The following SOCS5 variants were observed in gnomAD, a reference collection of about 807,000 sequenced individuals.
SOCS5 encodes suppressor of cytokine signaling 5.
SOCS5 carries 32 observed loss-of-function variants against 42.8 expected under a neutral mutation model. That is an observed-to-expected ratio of 0.75 (90% CI 0.56 to 1.01). SOCS5 has a LOEUF of 1.01. Ranked by LOEUF, SOCS5 falls within the 50% of genes least tolerant of loss-of-function variation. SOCS5 has a pLI of 0.00. For missense variants in SOCS5, 627 were observed against 653.0 expected, an observed-to-expected ratio of 0.96 and a Z score of 0.43; for synonymous variants, 283 against 229.6, an observed-to-expected ratio of 1.23 and a Z score of -2.10.
intron 1 of SOCS5, among the ~76,000 whole-genome samples, chr2:46,730,040 C>G (rs1028627353): frequency 2.6e-5 from 4 of 152,132 alleles, no homozygotes; most frequent in African/African-American, 9.7e-5. Flanking sequence ...TTAGGATCAT[C>G]TAGACATCAT....
Position 46,746,292 on chromosome 2 carries a change from C to CA in SOCS5, c.-12-12226dup, listed in dbSNP as rs371548032. On this transcript the variant is annotated intron_variant, in intron 1 of 1. Coordinates refer to ENST00000394861, the MANE Select transcript of SOCS5 (RefSeq NM_144949.3). The stretch of plus-strand genomic sequence containing the variant: ...CCACTCCCCAGAGTAAGTACAAAGG[C>CA]AGTGGTAACTCTAGAATATCTAGCA... Among the ~76,000 whole-genome samples, 918 of 152,222 alleles carry CA rather than the reference C, an allele frequency of 6.0e-3. 9 individuals are homozygous for CA. The highest frequency in any genetic ancestry group is 0.01 in the Admixed American group (156 of 15,300).
chr2:46,756,807 C>T (rs1278040869), intron 1 of SOCS5, among the ~76,000 whole-genome samples: 1 of 151,968 alleles, frequency 6.6e-6, no homozygotes, highest in Non-Finnish European at 1.5e-5. Context: ...GGACTATGGG[C>T]AAGGAACGGA....
At chr2:46,754,063 C>G (rs898751870) in intron 1 of SOCS5, among the ~76,000 whole-genome samples, 1 of 152,042 alleles carries the variant, frequency 6.6e-6, no homozygotes, top group African/African-American at 2.4e-5. Context: ...TGCCTAACCC[C>G]CTAGGAATGC....
At chr2:46,722,820 C>A (rs1428324264) in intron 1 of SOCS5, among the ~76,000 whole-genome samples, 3 of 152,098 alleles carry the variant, frequency 2.0e-5, no homozygotes, top group Admixed American at 2.0e-4. Context: ...AGTTGCTTTG[C>A]ATCCTTGTCA....
In SOCS5 at chr2:46,732,114, T is replaced by G. The variant is rs574847830; in HGVS notation, c.-12-26405T>G. Among the ~76,000 whole-genome samples, 26 of 152,362 alleles carry G rather than the reference T, an allele frequency of 1.7e-4. No homozygotes were observed. The East Asian group carries it at 3.3e-3, about 19-fold the overall frequency. ...CTCTGTGGCTGGATGCAGTTTTATT[T>G]CATTCATCTAGTGTTAAATGGCACA... is the stretch of plus-strand genomic sequence containing the variant. On this transcript the variant is annotated intron_variant, in intron 1 of 1. Coordinates refer to ENST00000394861, the MANE Select transcript of SOCS5 (RefSeq NM_144949.3).
intron 1 of SOCS5, among the ~76,000 whole-genome samples, chr2:46,757,853 G>A (rs893006395): frequency 6.6e-6 from 1 of 151,952 alleles, no homozygotes; most frequent in Non-Finnish European, 1.5e-5. Flanking sequence ...ACAACAGAGC[G>A]AGACTCCGTC....
intron 1 of SOCS5, among the ~76,000 whole-genome samples, chr2:46,726,786 C>T (rs960492150): frequency 1.3e-4 from 20 of 148,994 alleles, no homozygotes; most frequent in Non-Finnish European, 2.8e-4. Flanking sequence ...AATGGAGTTT[C>T]GCTCTTGTTG....
intron 1 of SOCS5, among the ~76,000 whole-genome samples, chr2:46,738,111 G>A (rs938506913): frequency 6.6e-6 from 1 of 152,170 alleles, no homozygotes; most frequent in African/African-American, 2.4e-5. Context: ...GGCCAACTAA[G>A]GGAGGTATTT....
At chr2:46,758,369 C>T (rs905106621) in intron 1 of SOCS5, 150 bp from the exon 2 acceptor site, 13 of 614,354 alleles carry the variant, frequency 2.1e-5, no homozygotes, top group Admixed American at 1.3e-4. Flanking sequence ...ACAGAACACA[C>T]GGCCTCATCA....
chr2:46,726,171 A>C (rs1672985579), intron 1 of SOCS5, among the ~76,000 whole-genome samples: 1 of 152,144 alleles, frequency 6.6e-6, no homozygotes, highest in Admixed American at 6.5e-5. Flanking sequence ...ATCTCAGCTC[A>C]CTGCAACCTC....
intron 1 of SOCS5, among the ~76,000 whole-genome samples, chr2:46,729,484 G>C (rs1179129730): frequency 6.6e-6 from 1 of 152,198 alleles, no homozygotes; most frequent in Non-Finnish European, 1.5e-5. Context: ...TTGCTCGTAG[G>C]CTACAAACCT....
intron 1 of SOCS5, among the ~76,000 whole-genome samples, chr2:46,716,615 C>T (rs1395657385): frequency 6.6e-6 from 1 of 151,870 alleles, no homozygotes; most frequent in African/African-American, 2.4e-5. Flanking sequence ...GTAGCTGGAA[C>T]CATAGGTGCA....
In SOCS5 at chr2:46,712,539, T is replaced by C. The variant is rs187029612; in HGVS notation, c.-13+13090T>C. Among the ~76,000 whole-genome samples the C allele has an allele frequency of 2.0e-5, 3 of 152,260 alleles. No individual in the cohort carries two copies. In the East Asian group the frequency reaches 5.8e-4, roughly 29 times the overall value. On this transcript the variant is annotated intron_variant, in intron 1 of 1. Transcript: ENST00000394861. ...TTGTATTTTTAGTAAAGACAGGGTTTCACCATATTGGCCAGGCTGGTCTCG... is the reference window on the plus strand; with the variant it reads ...TTGTATTTTTAGTAAAGACAGGGTTCCACCATATTGGCCAGGCTGGTCTCG...
intron 1 of SOCS5, among the ~76,000 whole-genome samples, chr2:46,716,555 G>T (rs1672749460): frequency 6.6e-6 from 1 of 151,918 alleles, no homozygotes; most frequent in African/African-American, 2.4e-5. Flanking sequence ...ATGGCGCACT[G>T]CAGCCTTGAA....
At chr2:46,723,278 G>A (rs986948428) in intron 1 of SOCS5, among the ~76,000 whole-genome samples, 4 of 151,824 alleles carry the variant, frequency 2.6e-5, no homozygotes, top group African/African-American at 9.7e-5. Context: ...AAGTTTTATA[G>A]GTTGGCATTC....
At chr2:46,729,958 G>C (rs948094836) in intron 1 of SOCS5, among the ~76,000 whole-genome samples, 1 of 151,918 alleles carries the variant, frequency 6.6e-6, no homozygotes. Context: ...GCTTTTTTCT[G>C]TTTTTAAATT....
chr2:46,735,913 A>G (rs1395957401), intron 1 of SOCS5, among the ~76,000 whole-genome samples: 1 of 152,186 alleles, frequency 6.6e-6, no homozygotes, highest in African/African-American at 2.4e-5. Flanking sequence ...TTAAAAAGTA[A>G]TATGATTCTC....
intron 1 of SOCS5, among the ~76,000 whole-genome samples, chr2:46,740,002 C>G (rs1346226350): frequency 6.6e-6 from 1 of 152,218 alleles, no homozygotes. Context: ...AAGCCTTTAT[C>G]TGTAGAATAC....
At chr2:46,746,922 C>CTTTT (rs11373537) in intron 1 of SOCS5, among the ~76,000 whole-genome samples, 14 of 70,786 alleles carry the variant, frequency 2.0e-4, no homozygotes, top group South Asian at 6.3e-4. Flanking sequence ...GACTTTATTT[C>CTTTT]TTTTTTTTTT....
Sources: gnomAD v4.1 joint callset for allele counts (sites outside exome capture counted in the v4.1 genomes callset) on GRCh38, gnomAD v4.1.1 for gene constraint, MANE v1.5 for transcripts, NCBI Gene and HGNC (gene_info 2026-07-23, HGNC 2026-07-21) for gene names.